STK32B: variants seen among roughly 807,000 people sequenced by gnomAD.
STK32B encodes the protein serine/threonine kinase 32B.
STK32B carries 43 observed loss-of-function variants against 52.6 expected under a neutral mutation model. That is an observed-to-expected ratio of 0.82 (90% CI 0.64 to 1.05). STK32B has a LOEUF of 1.05. Ranked by LOEUF, STK32B falls within the 50% of genes least tolerant of loss-of-function variation. The pLI is 0.00. For missense variants in STK32B, 621 were observed against 534.6 expected, an observed-to-expected ratio of 1.16 and a Z score of -1.59; for synonymous variants, 238 against 204.3, an observed-to-expected ratio of 1.17 and a Z score of -1.41.
chr4:5,163,056 G>A (rs1007291493), intron 2 of STK32B, among the ~76,000 whole-genome samples: 1 of 152,232 alleles, frequency 6.6e-6, no homozygotes, highest in African/African-American at 2.4e-5. Flanking sequence ...GATAGACCGA[G>A]CATGTATGAA....
At chr4:5,113,207 G>C (rs1037650648) in intron 1 of STK32B, among the ~76,000 whole-genome samples, 1 of 152,106 alleles carries the variant, frequency 6.6e-6, no homozygotes, top group Non-Finnish European at 1.5e-5. Flanking sequence ...TTATAAGAGA[G>C]GCCCTGTACA....
intron 1 of STK32B, among the ~76,000 whole-genome samples, chr4:5,108,934 T>TTTAA (rs1248109097): frequency 1.3e-5 from 2 of 152,214 alleles, no homozygotes; most frequent in Admixed American, 6.5e-5. Context: ...AATGGAAACC[T>TTTAA]GAAATGGCAA....
chr4:5,413,477 C>A (rs188963508), intron 5 of STK32B, among the ~76,000 whole-genome samples: 1 of 152,284 alleles, frequency 6.6e-6, no homozygotes, highest in East Asian at 1.9e-4. Context: ...CAAATAGCTT[C>A]TGCAGTTCTA....
chr4:5,080,374 T>A (rs992579593), intron 1 of STK32B, among the ~76,000 whole-genome samples: 7 of 152,218 alleles, frequency 4.6e-5, no homozygotes, highest in African/African-American at 1.7e-4. Context: ...ACTCAGGCAC[T>A]GCTTCAGGAC....
intron 1 of STK32B, among the ~76,000 whole-genome samples, chr4:5,116,914 A>G (rs1174380535): frequency 1.1e-4 from 16 of 152,154 alleles, no homozygotes. Context: ...TATTGTAAAT[A>G]GTATGGTTTT....
chr4:5,373,377 G>A (rs1735378932), intron 4 of STK32B, among the ~76,000 whole-genome samples: 1 of 152,152 alleles, frequency 6.6e-6, no homozygotes, highest in Non-Finnish European at 1.5e-5. Context: ...GCAGATTCAA[G>A]ACCCAAGAGA....
chr4:5,464,547 A>G (rs758147906), intron 9 of STK32B, among the ~76,000 whole-genome samples: 10 of 152,234 alleles, frequency 6.6e-5, no homozygotes, highest in Non-Finnish European at 1.5e-4. Flanking sequence ...AATGGGTGAC[A>G]ATAGAAGGCA....
chr4:5,281,041 C>T (rs963612368), intron 3 of STK32B, among the ~76,000 whole-genome samples: 1 of 152,094 alleles, frequency 6.6e-6, no homozygotes, highest in African/African-American at 2.4e-5. Context: ...AGGAAACTTA[C>T]AGTCATAGTG....
At chr4:5,221,016 G>C (rs901676690) in intron 3 of STK32B, among the ~76,000 whole-genome samples, 2 of 152,160 alleles carry the variant, frequency 1.3e-5, no homozygotes, top group African/African-American at 4.8e-5. Flanking sequence ...ACATAACTTA[G>C]TGTCCTTTGC....
At chr4:5,205,840 A>G (rs12511660) in intron 3 of STK32B, among the ~76,000 whole-genome samples, 124,018 of 152,082 alleles carry the variant, frequency 0.82, 50,881 homozygotes, top group East Asian at 0.91. Flanking sequence ...ATTCTCTTTC[A>G]CCGATTCTCA....
intron 3 of STK32B, among the ~76,000 whole-genome samples, chr4:5,184,913 A>T (rs1720629498): frequency 6.9e-6 from 1 of 144,816 alleles, no homozygotes; most frequent in Non-Finnish European, 1.5e-5. Flanking sequence ...TGCTGTCAAG[A>T]GAAGCACAGG....
intron 3 of STK32B, among the ~76,000 whole-genome samples, chr4:5,171,262 G>C (rs1265473676): frequency 2.0e-5 from 3 of 152,066 alleles, no homozygotes; most frequent in African/African-American, 7.2e-5. Flanking sequence ...TAGGTTGCCT[G>C]TTCACTCTGA....
intron 11 of STK32B, among the ~76,000 whole-genome samples, chr4:5,471,266 G>A (rs951146550): frequency 1.3e-5 from 2 of 152,218 alleles, no homozygotes; most frequent in Non-Finnish European, 2.9e-5. Flanking sequence ...TGGAAATAGG[G>A]TGGGTGCAGA....
chr4:5,312,591 C>T (rs1000641844), intron 3 of STK32B, among the ~76,000 whole-genome samples: 12 of 152,024 alleles, frequency 7.9e-5, no homozygotes, highest in Non-Finnish European at 1.6e-4. Context: ...CCAATTTCAT[C>T]CATGTCCCTA....
chr4:5,456,148 A>G (rs960949178), intron 7 of STK32B, among the ~76,000 whole-genome samples: 14 of 152,334 alleles, frequency 9.2e-5, no homozygotes, highest in Non-Finnish European at 1.9e-4. Context: ...CCAAGCTTTG[A>G]GAGGGGCTTA....
At chr4:5,216,911 C>T (rs1294779067) in intron 3 of STK32B, among the ~76,000 whole-genome samples, 1 of 152,178 alleles carries the variant, frequency 6.6e-6, no homozygotes. Flanking sequence ...CATGGAGGAG[C>T]TTAAGTGCTC....
intron 1 of STK32B, among the ~76,000 whole-genome samples, chr4:5,055,135 G>T (rs528648083): frequency 6.6e-5 from 10 of 152,250 alleles, no homozygotes; most frequent in African/African-American, 2.4e-4. Flanking sequence ...TGTCACCCAG[G>T]CTGGAGGGCA....
intron 2 of STK32B, among the ~76,000 whole-genome samples, chr4:5,140,763 C>G (rs1383801097): frequency 6.6e-6 from 1 of 152,152 alleles, no homozygotes; most frequent in African/African-American, 2.4e-5. Context: ...ACCTCCCTCC[C>G]TCCCTCCTTG....
At chr4:5,292,499 CTTG>C (rs1458479149) in intron 3 of STK32B, among the ~76,000 whole-genome samples, 2 of 151,066 alleles carry the variant, frequency 1.3e-5, no homozygotes, top group Non-Finnish European at 1.5e-5. Context: ...TGTTTTTTTT[CTTG>C]TTGATTTGTT....
Sources: gnomAD v4.1 joint callset for allele counts (sites outside exome capture counted in the v4.1 genomes callset) on GRCh38, gnomAD v4.1.1 for gene constraint, MANE v1.5 for transcripts, NCBI Gene and HGNC (gene_info 2026-07-23, HGNC 2026-07-21) for gene names.